GPR158: variants seen among roughly 807,000 people sequenced by gnomAD.
GPR158 encodes metabotropic glycine receptor.
Under a neutral mutation model 78.2 loss-of-function variants are expected in GPR158, and 30 were observed. That is an observed-to-expected ratio of 0.38 (90% CI 0.29 to 0.52). GPR158 has a LOEUF of 0.52. Among genes scored for constraint, GPR158 ranks in the 20% least tolerant of loss-of-function variants. GPR158 has a pLI of 0.83. For synonymous variants in GPR158, 581 were observed against 591.1 expected (o/e 0.98, Z 0.25); for missense variants, 1,463 against 1,523.5 (o/e 0.96, Z 0.66).
intron 1 of GPR158, among the ~76,000 whole-genome samples, chr10:25,186,135 C>T (rs539017177): frequency 7.9e-5 from 12 of 152,138 alleles, no homozygotes; most frequent in Admixed American, 2.0e-4. Context: ...GGGTACATAA[C>T]GAAATGAAGG....
rs71399974 is a variant in GPR158 at position 25,478,493 on chromosome 10, CGTGTGTGTGTGTGT to C, written c.1404+11795_1404+11808del. 4.2e-3 allele frequency among the ~76,000 whole-genome samples: 610 copies of C among 145,184 alleles called. 1 individual carries two copies. Among genetic ancestry groups the C allele is most frequent in the Admixed American group, 7.5e-3 (109 of 14,510 alleles). Reference sequence around the variant, plus strand: ...ATAGAAATAGATGAAATATATAATGCGTGTGTGTGTGTGTGTGTGTGTGTGTGTGTGTGTAGAGA... The same window carrying C: ...ATAGAAATAGATGAAATATATAATGCGTGTGTGTGTGTGTGTGTGTAGAGA... On this transcript the variant is annotated intron_variant, in intron 5 of 10. Transcript: ENST00000376351.
intron 5 of GPR158, among the ~76,000 whole-genome samples, chr10:25,508,506 G>T (rs1836042797): frequency 6.6e-6 from 1 of 152,178 alleles, no homozygotes; most frequent in Non-Finnish European, 1.5e-5. Context: ...TACAACAAAA[G>T]GTGAACTAGA....
chr10:25,241,372 C>CTCTTTTCT (rs1554787300), intron 2 of GPR158, among the ~76,000 whole-genome samples: 1 of 102,956 alleles, frequency 9.7e-6, no homozygotes, highest in African/African-American at 5.5e-5. Context: ...CTTTTCTTTT[C>CTCTTTTCT]TCTCTTCTCT....
chr10:25,288,039 C>T (rs2130761349), intron 2 of GPR158, among the ~76,000 whole-genome samples: 1 of 149,926 alleles, frequency 6.7e-6, no homozygotes, highest in South Asian at 2.2e-4. Context: ...ATTTCCATTA[C>T]TGAAAGTTAG....
chr10:25,360,636 A>C (rs71495444), intron 2 of GPR158, among the ~76,000 whole-genome samples: 15,074 of 152,066 alleles, frequency 0.099, 1,842 homozygotes, highest in African/African-American at 0.29. Context: ...TTTTGGTACC[A>C]GTACCACGCA....
intron 4 of GPR158, among the ~76,000 whole-genome samples, chr10:25,440,275 C>G (rs947045774): frequency 5.3e-5 from 8 of 152,154 alleles, no homozygotes; most frequent in African/African-American, 1.7e-4. Flanking sequence ...CAGACTGAGC[C>G]GAGCTCTACT....
intron 3 of GPR158, among the ~76,000 whole-genome samples, chr10:25,405,355 T>A (rs1564446227): frequency 2.0e-5 from 3 of 151,994 alleles, no homozygotes; most frequent in East Asian, 3.9e-4. Flanking sequence ...TACTTTTTTT[T>A]AACTGTAGGA....
At chr10:25,279,325 A>G (rs534239618) in intron 2 of GPR158, among the ~76,000 whole-genome samples, 8 of 152,318 alleles carry the variant, frequency 5.3e-5, no homozygotes, top group Admixed American at 1.3e-4. Flanking sequence ...TTTTTCAGAT[A>G]AGAAACCTGA....
intron 2 of GPR158, among the ~76,000 whole-genome samples, chr10:25,302,196 C>T (rs754738456): frequency 2.1e-4 from 32 of 150,778 alleles, no homozygotes; most frequent in Non-Finnish European, 4.0e-4. Context: ...CTCAGCCTCC[C>T]GAGTAGCTGG....
chr10:25,540,413 A>G (rs1034331671), intron 5 of GPR158, among the ~76,000 whole-genome samples: 13 of 152,090 alleles, frequency 8.5e-5, no homozygotes, highest in Non-Finnish European at 1.9e-4. Context: ...AACTAGAAAT[A>G]CCATTTGACC....
chr10:25,489,801 CT>C (rs1269049810), intron 5 of GPR158, among the ~76,000 whole-genome samples: 1 of 152,056 alleles, frequency 6.6e-6, no homozygotes, highest in African/African-American at 2.4e-5. Context: ...ACAAGGACTT[CT>C]CTATGGAAAA....
chr10:25,533,566 T>G (rs953455245), intron 5 of GPR158, among the ~76,000 whole-genome samples: 10 of 152,214 alleles, frequency 6.6e-5, no homozygotes, highest in Non-Finnish European at 7.3e-5. Flanking sequence ...ATTATTCGGT[T>G]TAAAACATTC....
intron 4 of GPR158, among the ~76,000 whole-genome samples, chr10:25,445,225 A>G (rs1278586913): frequency 6.6e-6 from 1 of 152,172 alleles, no homozygotes; most frequent in African/African-American, 2.4e-5. Context: ...AAAAATTAGG[A>G]ACGTCTTCCT....
rs181284866 is a variant in GPR158, at chr10:25,440,276, G to T, written c.1336-26375G>T. On this transcript the variant is annotated intron_variant, in intron 4 of 10. Transcript: ENST00000376351. ...TGGGCCACTGACTTCAGACTGAGCC[G>T]AGCTCTACTTAGCCTTGAGGGGTGG... 1.4e-4 allele frequency among the ~76,000 whole-genome samples: 21 copies of T among 152,314 alleles called. No homozygotes were observed. In the East Asian group the frequency reaches 3.9e-3, roughly 28 times the overall value.
At chr10:25,432,315 G>T (rs1300123699) in intron 4 of GPR158, among the ~76,000 whole-genome samples, 6 of 152,152 alleles carry the variant, frequency 3.9e-5, no homozygotes, top group African/African-American at 1.4e-4. Context: ...TGGTGAAGGT[G>T]TTAGGAACTA....
intron 1 of GPR158, among the ~76,000 whole-genome samples, chr10:25,202,239 T>G (rs1390668999): frequency 6.6e-6 from 1 of 152,110 alleles, no homozygotes; most frequent in African/African-American, 2.4e-5. Flanking sequence ...GGAGGCTGTA[T>G]GTCTCTAGGA....
chr10:25,429,306 G>A (rs1202557295), intron 4 of GPR158, among the ~76,000 whole-genome samples: 1 of 151,988 alleles, frequency 6.6e-6, no homozygotes, highest in Non-Finnish European at 1.5e-5. Context: ...AATATGCATG[G>A]TATATGTCAC....
At chr10:25,456,295 G>A (rs527387005) in intron 4 of GPR158, among the ~76,000 whole-genome samples, 2 of 152,264 alleles carry the variant, frequency 1.3e-5, no homozygotes, top group South Asian at 2.1e-4. Context: ...CATGTAGAGT[G>A]TAGCATAAGG....
At chr10:25,449,467 G>A (rs1414183000) in intron 4 of GPR158, among the ~76,000 whole-genome samples, 2 of 152,166 alleles carry the variant, frequency 1.3e-5, no homozygotes, top group Admixed American at 6.5e-5. Flanking sequence ...ATTAATTCTA[G>A]TTGTGATAAG....
Sources: gnomAD v4.1 joint callset for allele counts (sites outside exome capture counted in the v4.1 genomes callset) on GRCh38, gnomAD v4.1.1 for gene constraint, MANE v1.5 for transcripts, NCBI Gene and HGNC (gene_info 2026-07-23, HGNC 2026-07-21) for gene names.